PTPRM: variants seen among roughly 807,000 people sequenced by gnomAD.
The protein encoded by PTPRM is protein tyrosine phosphatase receptor type M, also known as receptor-type tyrosine-protein phosphatase mu.
PTPRM carries 47 observed loss-of-function variants against 186.7 expected under a neutral mutation model. The ratio of observed to expected loss-of-function variants is 0.25; its 90% CI spans 0.20 to 0.32. The LOEUF (loss-of-function observed/expected upper bound fraction) is 0.32, where lower values mean the gene tolerates loss of function less well. Among genes scored for constraint, PTPRM ranks in the 10% least tolerant of loss-of-function variants. PTPRM has a pLI of 1.00. For synonymous variants in PTPRM, 668 were observed against 674.9 expected (o/e 0.99, Z 0.16); for missense variants, 1,494 against 1,865.0 (o/e 0.80, Z 3.66).
chr18:8,031,323 A>C (rs968106342), intron 7 of PTPRM, among the ~76,000 whole-genome samples: 2 of 152,170 alleles, frequency 1.3e-5, no homozygotes, highest in Non-Finnish European at 2.9e-5. Flanking sequence ...TTTCTATGAA[A>C]TATGTTGGCT....
At chr18:8,127,745 C>T (rs1322016055) in intron 13 of PTPRM, among the ~76,000 whole-genome samples, 2 of 152,076 alleles carry the variant, frequency 1.3e-5, no homozygotes, top group African/African-American at 4.8e-5. Flanking sequence ...GAGAAGCTAT[C>T]ATTCATTCAT....
At chr18:7,657,681 A>G (rs755024610) in intron 1 of PTPRM, among the ~76,000 whole-genome samples, 45 of 152,246 alleles carry the variant, frequency 3.0e-4, no homozygotes, top group Non-Finnish European at 5.6e-4. Flanking sequence ...GGCCTTGTGC[A>G]GGGCATCATT....
At chr18:7,838,125 A>C (rs2046144775) in intron 2 of PTPRM, among the ~76,000 whole-genome samples, 2 of 152,212 alleles carry the variant, frequency 1.3e-5, no homozygotes, top group South Asian at 4.1e-4. Context: ...ATTGACTCAC[A>C]GGTACACATG....
chr18:7,617,687 A>C (rs1473807564), intron 1 of PTPRM, among the ~76,000 whole-genome samples: 2 of 152,190 alleles, frequency 1.3e-5, no homozygotes, highest in African/African-American at 4.8e-5. Flanking sequence ...GTGTGTGTAA[A>C]TATGCATTTT....
chr18:8,066,541 C>T (rs2089094985), intron 7 of PTPRM, among the ~76,000 whole-genome samples: 1 of 152,102 alleles, frequency 6.6e-6, no homozygotes, highest in Admixed American at 6.6e-5. Flanking sequence ...ACCCTTCCTA[C>T]CCCCATTGAT....
At chr18:8,173,430 A>C (rs1240988283) in intron 14 of PTPRM, among the ~76,000 whole-genome samples, 1 of 152,256 alleles carries the variant, frequency 6.6e-6, no homozygotes, top group Non-Finnish European at 1.5e-5. Flanking sequence ...CAGACAAATA[A>C]TATGAGTCAA....
intron 14 of PTPRM, among the ~76,000 whole-genome samples, chr18:8,211,996 T>C (rs1278478170): frequency 6.6e-6 from 1 of 151,666 alleles, no homozygotes; most frequent in Non-Finnish European, 1.5e-5. Flanking sequence ...GTTGAGGGTT[T>C]TGTGAGGGAA....
At position 7,781,732 on chromosome 18, in the gene PTPRM, C is replaced by T. The variant is rs2042863686; in HGVS notation, c.196+7461C>T. On this transcript the variant is annotated intron_variant, in intron 2 of 32. Transcript: ENST00000580170. ...CCAGCATTTCCATCTGACACATTTC[C>T]TTTATAACCAAGTCTAACTTTATCA... Among the ~76,000 whole-genome samples, 3 of 152,286 alleles carry T rather than the reference C, an allele frequency of 2.0e-5. No individual in the cohort carries two copies. In the South Asian group the frequency reaches 6.2e-4, roughly 32 times the overall value.
In PTPRM at chr18:8,128,287, A is replaced by AT. The variant is rs373306782; in HGVS notation, c.2167+13462dup. 3.9e-3 allele frequency among the ~76,000 whole-genome samples: 589 copies of AT among 152,312 alleles called. 3 individuals carry two copies. The highest frequency in any genetic ancestry group is 0.013 in the African/African-American group (561 of 41,576). ...TGTAGTATTCTGTAAATATAAGATGATTAACAATTCACACACACTGTTGTG... is the reference window on the plus strand; with the variant it reads ...TGTAGTATTCTGTAAATATAAGATGATTTAACAATTCACACACACTGTTGTG... On this transcript the variant is annotated intron_variant, in intron 13 of 32. Transcript: ENST00000580170.
intron 7 of PTPRM, among the ~76,000 whole-genome samples, chr18:7,989,049 A>G (rs962171916): frequency 2.6e-5 from 4 of 152,180 alleles, no homozygotes; most frequent in African/African-American, 9.7e-5. Context: ...CATATTGCTT[A>G]TTATTATTAA....
At chr18:7,653,118 TTTA>T (rs150577417) in intron 1 of PTPRM, among the ~76,000 whole-genome samples, 45,595 of 145,288 alleles carry the variant, frequency 0.31, 8,489 homozygotes, top group East Asian at 0.57. Flanking sequence ...CACTATGTAC[TTTA>T]TTATTATTAT....
At chr18:7,934,377 G>A (rs762844196) in intron 5 of PTPRM, among the ~76,000 whole-genome samples, 35 of 152,160 alleles carry the variant, frequency 2.3e-4, no homozygotes, top group African/African-American at 5.3e-4. Flanking sequence ...CTACGCAATC[G>A]TGAAAAAAGT....
chr18:8,039,858 A>T (rs1195268771), intron 7 of PTPRM, among the ~76,000 whole-genome samples: 1 of 152,202 alleles, frequency 6.6e-6, no homozygotes, highest in African/African-American at 2.4e-5. Context: ...AGGCTGGAGA[A>T]GTTCTTGAAC....
At chr18:7,879,451 G>A (rs1477429045) in intron 2 of PTPRM, among the ~76,000 whole-genome samples, 1 of 152,104 alleles carries the variant, frequency 6.6e-6, no homozygotes, top group Non-Finnish European at 1.5e-5. Context: ...TCTTGCTGCA[G>A]GAATAGGTCC....
At chr18:7,856,790 A>G (rs2047118238) in intron 2 of PTPRM, among the ~76,000 whole-genome samples, 1 of 151,710 alleles carries the variant, frequency 6.6e-6, no homozygotes, top group Non-Finnish European at 1.5e-5. Context: ...GAATGACACT[A>G]CTGTTATCTC....
intron 7 of PTPRM, among the ~76,000 whole-genome samples, chr18:8,069,281 A>T (rs911150618): frequency 2.0e-5 from 3 of 152,188 alleles, no homozygotes. Context: ...CTCCTCCTTC[A>T]TCATTGCTTT....
intron 7 of PTPRM, among the ~76,000 whole-genome samples, chr18:8,067,329 A>C (rs1414219598): frequency 2.6e-5 from 4 of 152,218 alleles, no homozygotes; most frequent in African/African-American, 9.6e-5. Context: ...ATTTCCGTTA[A>C]GTTGTAAAAG....
At chr18:8,340,980 A>G (rs2095471178) in intron 22 of PTPRM, among the ~76,000 whole-genome samples, 1 of 152,164 alleles carries the variant, frequency 6.6e-6, no homozygotes, top group African/African-American at 2.4e-5. Flanking sequence ...ACCTAGGGTG[A>G]TGGACTGAGC....
At chr18:7,932,926 G>T (rs2051572282) in intron 5 of PTPRM, among the ~76,000 whole-genome samples, 1 of 152,148 alleles carries the variant, frequency 6.6e-6, no homozygotes, top group Non-Finnish European at 1.5e-5. Flanking sequence ...CGATGAAAAT[G>T]TGGTCCGAAA....
Sources: allele counts gnomAD v4.1 joint callset (sites outside exome capture counted in the v4.1 genomes callset), GRCh38; gene constraint gnomAD v4.1.1; transcripts MANE v1.5; gene names NCBI Gene and HGNC (gene_info 2026-07-23, HGNC 2026-07-21).